PLEKHH3: variants seen among roughly 807,000 people sequenced by gnomAD.
The protein encoded by PLEKHH3 is pleckstrin homology domain-containing family H member 3.
In PLEKHH3, 57 loss-of-function variants were observed where a neutral mutation model predicts 77.8. That is an observed-to-expected ratio of 0.73 (90% CI 0.59 to 0.91). The LOEUF (loss-of-function observed/expected upper bound fraction) is 0.91. Ranked by LOEUF, PLEKHH3 falls within the 40% of genes least tolerant of loss-of-function variation. PLEKHH3 has a pLI of 0.00. For missense variants in PLEKHH3, 1,082 were observed against 1,091.2 expected (o/e 0.99, Z 0.12); for synonymous variants, 467 against 504.8 (o/e 0.93, Z 1.00).
rs749250028 is a variant in PLEKHH3 at position 42,670,059 on chromosome 17, G to A, written c.1872C>T (p.Ala624=). ...GSIAREGGGG[A]GTAAAVLGGW... ...CGCCCAGCACGGCAGCTGCCGTGCC[G>A]GCGCCGCCTCCTCCCTCGCGGGCAA... The change falls in exon 11 of 13, where the codon GCC becomes GCT. Residue 624 remains alanine (A), a synonymous_variant. Transcript: ENST00000591022. The A allele has an allele frequency of 4.0e-6, 6 of 1,482,594 alleles. No individual in the cohort carries two copies. The highest frequency in any genetic ancestry group is 1.3e-5 in the South Asian group (1 of 76,678). 91.8% of individuals were successfully genotyped at this position (1,482,594 alleles called of 1,614,324 possible).
In PLEKHH3 at chr17:42,669,949, G is replaced by A. The variant is rs2052646917; in HGVS notation, c.1982C>T (p.Ala661Val). ...CAGCTCCAGAACGTCATACCGAGCAGCGCCGAACCCCGGACACTGCGCCGC... is the reference window on the plus strand; with the variant it reads ...CAGCTCCAGAACGTCATACCGAGCAACGCCGAACCCCGGACACTGCGCCGC... ...ALAAQCPGFG[A>V]ARYDVLELST... The change falls in exon 11 of 13, where the codon GCT becomes GTT. Residue 661 changes from alanine (A) to valine (V), a missense_variant. This residue lies in a region of PLEKHH3 where 733 missense variants were observed against 750.0 expected (regional missense o/e 0.98). Transcript: ENST00000591022. 1 of 1,613,410 alleles carries A rather than the reference G, an allele frequency of 6.2e-7. No individual in the cohort carries two copies. The highest frequency in any genetic ancestry group is 8.5e-7 in the Non-Finnish European group (1 of 1,179,934).
Position 42,670,292 on chromosome 17 carries a change from G to T in PLEKHH3, c.1639C>A (p.Gln547Lys), listed in dbSNP as rs1275758867. The change falls in exon 11 of 13, where the codon CAG becomes AAG. Residue 547 changes from glutamine (Q) to lysine (K), a missense_variant. By Grantham distance (53) the Gln-to-Lys change is moderately conservative (BLOSUM62 1). This residue lies in a region of PLEKHH3 where 733 missense variants were observed against 750.0 expected (regional missense o/e 0.98). Coordinates refer to ENST00000591022, the MANE Select transcript of PLEKHH3 (RefSeq NM_024927.5). The stretch of plus-strand genomic sequence containing the variant: ...GGCACCCGCGGAGAGAAGTCCCGCT[G>T]CAGGCTCTGCAGGCGCAGCGCCGCC... Reference protein sequence around the residue: ...ALAALRLQSLQRDFSPRVPLP... With the variant: ...ALAALRLQSLKRDFSPRVPLP... 7.4e-7 allele frequency: 1 copy of T among 1,347,802 alleles called. No individual in the cohort carries two copies. Among genetic ancestry groups the T allele is most frequent in the Non-Finnish European group, 9.5e-7 (1 of 1,055,860 alleles). 83.5% of individuals were successfully genotyped at this position (1,347,802 alleles called of 1,614,324 possible). A position where few individuals can be genotyped will look rare whatever the true frequency, so the allele number is the denominator to read the frequency against.
At chr17:42,673,900 G>A in intron 3 of PLEKHH3, 34 bp downstream of exon 3, 12 of 1,611,710 alleles carry the variant, frequency 7.4e-6, no homozygotes, top group Non-Finnish European at 9.3e-6. Flanking sequence ...GTTGGGATTG[G>A]GGGCCTCCAG....
chr17:42,676,547 C>T lies in PLEKHH3; in HGVS notation c.17G>A (p.Gly6Glu). Residue 6 changes from glycine to glutamate, a missense_variant, in exon 1 of 13, where the codon GGA (glycine) becomes GAA (glutamate). By Grantham distance (98) the Gly-to-Glu change is moderately conservative. Coordinates refer to ENST00000591022, the MANE Select transcript of PLEKHH3 (RefSeq NM_024927.5). The surrounding 1 kb of genome is among the most constrained non-coding windows in gnomAD (Gnocchi z 6.6). MPLPG[G>E]LWWLLCCRRG... is the part of the protein sequence containing the mutation. Reference sequence around the variant, plus strand: ...ACGGCAGCAGAGAAGCCACCATAGTCCCCCGGGGAGAGGCATCCGGGCGAG... The same window carrying T: ...ACGGCAGCAGAGAAGCCACCATAGTTCCCCGGGGAGAGGCATCCGGGCGAG... 5 of 1,566,818 alleles carry T rather than the reference C, an allele frequency of 3.2e-6. No individual in the cohort carries two copies. The highest frequency in any genetic ancestry group is 4.3e-6 in the Non-Finnish European group (5 of 1,155,976).
At chr17:42,675,141 A>G (rs1013846949) in intron 1 of PLEKHH3, among the ~76,000 whole-genome samples, 39 of 151,792 alleles carry the variant, frequency 2.6e-4, no homozygotes, top group Non-Finnish European at 4.9e-4. Context: ...TGGAACTTCA[A>G]CTGTAGACTG....
chr17:42,673,238 C>T lies in PLEKHH3; in HGVS notation c.707G>A (p.Arg236Lys), dbSNP rs775692849. The change falls in exon 6 of 13, where the codon AGA becomes AAA. Residue 236 changes from arginine (R) to lysine (K), a missense_variant. Arg to Lys is a conservative substitution (Grantham distance 26). This residue lies in a region of PLEKHH3 where 344 missense variants were observed against 320.8 expected (regional missense o/e 1.07). Transcript: ENST00000591022. ...GGCATACAAGGCTCCACTAGTGTGT[C>T]TCAGAATCGGGTTCCTCAGGTAAAT... ...ALIYLRNPILRHTSGALYAPL... is the reference protein window; with the variant it reads ...ALIYLRNPILKHTSGALYAPL... 1 of 1,588,824 alleles carries T rather than the reference C, an allele frequency of 6.3e-7. No homozygotes were observed. Among genetic ancestry groups the T allele is most frequent in the Non-Finnish European group, 8.5e-7 (1 of 1,170,606 alleles).
In PLEKHH3 at chr17:42,670,392, C is replaced by A; in HGVS notation, c.1555-16G>T. ...GAGCGTGAGCCTGCAGGGGAGGCAC[C>A]CGGCGTCAGTGTACGAGCGGCGGCG... is the stretch of plus-strand genomic sequence containing the variant. On this transcript the variant is annotated splice_polypyrimidine_tract_variant and intron_variant, in intron 10 of 12. Coordinates refer to ENST00000591022, the MANE Select transcript of PLEKHH3 (RefSeq NM_024927.5). 6.9e-7 allele frequency: 1 copy of A among 1,444,178 alleles called. No individual in the cohort carries two copies. The highest frequency in any genetic ancestry group is 9.0e-7 in the Non-Finnish European group (1 of 1,106,564). The allele number at this position is 1,444,178 out of a possible 1,614,324, so 89.5% of individuals were successfully genotyped here. A position where few individuals can be genotyped will look rare whatever the true frequency, so the allele number is the denominator to read the frequency against.
chr17:42,670,743 C>G (rs759773880), intron 9 of PLEKHH3, 38 bp from the exon 10 acceptor site: 2 of 1,586,344 alleles, frequency 1.3e-6, no homozygotes, highest in South Asian at 1.1e-5. Context: ...AGGGAGAAGC[C>G]GGACCCCTAC....
At chr17:42,668,401 G>T in intron 12 of PLEKHH3, 98 bp from the exon 13 acceptor site, 1 of 1,094,152 alleles carries the variant, frequency 9.1e-7, no homozygotes, top group Non-Finnish European at 1.2e-6. Flanking sequence ...TTCCCCACCA[G>T]GGTCCTACGT....
At position 42,676,281 on chromosome 17, in the gene PLEKHH3, A is replaced by G. The variant is rs2052825105; in HGVS notation, c.162+121T>C. 6.7e-7 allele frequency: 1 copy of G among 1,495,852 alleles called. No homozygotes were observed. Among genetic ancestry groups the G allele is most frequent in the African/African-American group, 1.4e-5 (1 of 70,944 alleles). The allele number at this position is 1,495,852 out of a possible 1,614,324, so 92.7% of individuals were successfully genotyped here. A position where few individuals can be genotyped will look rare whatever the true frequency, so the allele number is the denominator to read the frequency against. The stretch of plus-strand genomic sequence containing the variant: ...GGGGGCTTTGGCCCCCAGGCAAAAA[A>G]CTCTCCCTCATCCCTAGTTCGCCAA... On this transcript the variant is annotated intron_variant, in intron 1 of 12. Transcript: ENST00000591022. The surrounding 1 kb of genome is among the most constrained non-coding windows in gnomAD (Gnocchi z 6.6).
chr17:42,669,548 C>G lies in PLEKHH3; in HGVS notation c.2087G>C (p.Gly696Ala), dbSNP rs1280969999. 6.2e-7 allele frequency: 1 copy of G among 1,612,162 alleles called. No individual in the cohort carries two copies. Residue 696 changes from glycine to alanine, a missense_variant, in exon 12 of 13, where the codon GGG (glycine) becomes GCG (alanine). Around this residue, in one of 3 missense-constraint regions of PLEKHH3, gnomAD observed 733 missense variants for 750.0 expected, o/e 0.98. Transcript: ENST00000591022. Reference protein sequence around the residue: ...GAKAMSLSRPGETEPIHSVSY... With the variant: ...GAKAMSLSRPAETEPIHSVSY... Reference sequence around the variant, plus strand: ...GACACTGTGGATGGGCTCCGTCTCCCCTGGCCGGGAGAGGGACATGGCCTT... The same window carrying G: ...GACACTGTGGATGGGCTCCGTCTCCGCTGGCCGGGAGAGGGACATGGCCTT...
intron 1 of PLEKHH3, among the ~76,000 whole-genome samples, chr17:42,675,636 A>T (rs1204334478): frequency 1.3e-5 from 2 of 151,994 alleles, no homozygotes; most frequent in Non-Finnish European, 2.9e-5. Context: ...TGCGCGGGGG[A>T]TGGGAGCCTG....
chr17:42,675,776 G>C, intron 1 of PLEKHH3: 7 of 750,620 alleles, frequency 9.3e-6, no homozygotes, highest in Non-Finnish European at 1.1e-5. Flanking sequence ...GACAAAACCA[G>C]GCAGCAGCCC....
In PLEKHH3 at chr17:42,672,642, G is replaced by A. The variant is rs536966546; in HGVS notation, c.770-250C>T. The stretch of plus-strand genomic sequence containing the variant: ...TGCATTTGGACTTAGGGAGACGGAC[G>A]GCCGGGAAGGGCTGTAGATTCACAC... On this transcript the variant is annotated intron_variant, in intron 6 of 12. Coordinates refer to ENST00000591022, the MANE Select transcript of PLEKHH3 (RefSeq NM_024927.5). 3.9e-5 allele frequency among the ~76,000 whole-genome samples: 6 copies of A among 152,212 alleles called. No homozygotes were observed. In the East Asian group the frequency reaches 7.7e-4, roughly 20 times the overall value.
rs1185714178 is a variant in PLEKHH3, at chr17:42,670,755, G to C, written c.1422-50C>G. On this transcript the variant is annotated intron_variant, in intron 9 of 12. Transcript: ENST00000591022. ...GCTAGGGAGAAGCCGGACCCCTACGGCGAGGGCAGCTTGGGGTGGGGGCGG... is the reference window on the plus strand; with the variant it reads ...GCTAGGGAGAAGCCGGACCCCTACGCCGAGGGCAGCTTGGGGTGGGGGCGG... The C allele has an allele frequency of 2.5e-6, 4 of 1,581,542 alleles. 1 individual carries two copies. The highest frequency in any genetic ancestry group is 2.3e-5 in the South Asian group (2 of 88,834).
Position 42,676,611 on chromosome 17 carries a change from G to A in PLEKHH3, c.-48C>T. On this transcript the variant is annotated 5_prime_UTR_variant, in exon 1 of 13. Transcript: ENST00000591022. This position sits in a 1 kb window ranked among gnomAD's most constrained non-coding sequence, Gnocchi z 6.6. ...GGGCGCGGGCAGCCGCGGCCGAGCAGTAGGGGGTCGGAGGAACTGGCGGGG... is the reference window on the plus strand; with the variant it reads ...GGGCGCGGGCAGCCGCGGCCGAGCAATAGGGGGTCGGAGGAACTGGCGGGG... 6.5e-7 allele frequency: 1 copy of A among 1,529,374 alleles called. No homozygotes were observed. The highest frequency in any genetic ancestry group is 8.8e-7 in the Non-Finnish European group (1 of 1,137,056). The allele number at this position is 1,529,374 out of a possible 1,614,324, so 94.7% of individuals were successfully genotyped here.
At chr17:42,674,209 AC>A in intron 2 of PLEKHH3, 144 bp downstream of exon 2, 1 of 1,150,996 alleles carries the variant, frequency 8.7e-7, no homozygotes, top group Non-Finnish European at 1.2e-6. Flanking sequence ...CCCCAGCCGG[AC>A]CGCCCCCCGG....
At chr17:42,672,420 G>C in intron 6 of PLEKHH3, 28 bp from the exon 7 acceptor site, 1 of 1,479,792 alleles carries the variant, frequency 6.8e-7, no homozygotes, top group South Asian at 1.3e-5. Flanking sequence ...CGGAGGGACG[G>C]TTTGGAGAGG....
At position 42,676,875 on chromosome 17, in the gene PLEKHH3, T is replaced by G; in HGVS notation, c.-312A>C. The G allele has an allele frequency of 2.7e-6, 1 of 368,680 alleles. No homozygotes were observed. The highest frequency in any genetic ancestry group is 5.0e-6 in the Non-Finnish European group (1 of 200,450). 22.8% of individuals were successfully genotyped at this position (368,680 alleles called of 1,614,324 possible). A position where few individuals can be genotyped will look rare whatever the true frequency, so the allele number is the denominator to read the frequency against. On this transcript the variant is annotated 5_prime_UTR_variant, in exon 1 of 13. Coordinates refer to ENST00000591022, the MANE Select transcript of PLEKHH3 (RefSeq NM_024927.5). The surrounding 1 kb of genome is among the most constrained non-coding windows in gnomAD (Gnocchi z 6.6). ...GAGTGTCCAGCCCTGTGGGGGGCAG[T>G]GTCCGGTGCAGCGTCCGAGGTGGGC...
Sources: gnomAD v4.1 joint callset for allele counts (sites outside exome capture counted in the v4.1 genomes callset) on GRCh38, gnomAD v4.1.1 for gene constraint, gnomAD v4.1.1 regional missense constraint, Gnocchi (gnomAD v3.1) non-coding constraint, MANE v1.5 for transcripts, NCBI Gene and HGNC (gene_info 2026-07-23, HGNC 2026-07-21) for gene names.